Variants in ZNF618 observed in about 807,000 individuals in gnomAD.
The protein encoded by ZNF618 is neural precursor cell expressed, developmentally down-regulated 10.
In ZNF618, 34 loss-of-function variants were observed where a neutral mutation model predicts 103.0. The observed-to-expected ratio is 0.33, with a 90% CI of 0.25 to 0.44. The LOEUF (loss-of-function observed/expected upper bound fraction) is 0.44, where lower values mean the gene tolerates loss of function less well. Ranked by LOEUF, ZNF618 falls within the 20% of genes least tolerant of loss-of-function variation. ZNF618 has a pLI of 1.00. For missense variants in ZNF618, 1,059 were observed against 1,295.4 expected (o/e 0.82, Z 2.80); for synonymous variants, 551 against 542.2 (o/e 1.02, Z -0.23).
chr9:113,894,509 G>A (rs570650274), intron 1 of ZNF618, among the ~76,000 whole-genome samples: 1 of 152,168 alleles, frequency 6.6e-6, no homozygotes, highest in Admixed American at 6.5e-5. Context: ...AGTGTCATTT[G>A]CACTTAGCTT....
intron 2 of ZNF618, among the ~76,000 whole-genome samples, chr9:113,972,833 G>C (rs1218114890): frequency 1.3e-5 from 2 of 152,186 alleles, no homozygotes. Flanking sequence ...TTGGGAGGCC[G>C]AGGCGGGCGG....
At chr9:114,021,312 A>G (rs12335772) in intron 10 of ZNF618, among the ~76,000 whole-genome samples, 43,072 of 151,934 alleles carry the variant, frequency 0.28, 6,589 homozygotes, top group African/African-American at 0.39. Flanking sequence ...CCCACAATCA[A>G]GTTCTTGCTT....
At chr9:113,984,085 A>G (rs2133197145) in intron 2 of ZNF618, among the ~76,000 whole-genome samples, 1 of 152,328 alleles carries the variant, frequency 6.6e-6, no homozygotes, top group Admixed American at 6.5e-5. Flanking sequence ...GGACAAGTGC[A>G]GTTTGGTGAG....
At chr9:113,878,913 C>T (rs1406581939) in intron 1 of ZNF618, among the ~76,000 whole-genome samples, 1 of 152,118 alleles carries the variant, frequency 6.6e-6, no homozygotes, top group Non-Finnish European at 1.5e-5. Flanking sequence ...TTGACATTTC[C>T]CATCATCGCC....
chr9:113,906,947 T>A (rs1831044574), intron 1 of ZNF618, among the ~76,000 whole-genome samples: 1 of 152,230 alleles, frequency 6.6e-6, no homozygotes, highest in African/African-American at 2.4e-5. Flanking sequence ...TGTGGTGACT[T>A]CTTCAGGCAG....
chr9:113,962,774 T>G (rs952041677), intron 1 of ZNF618, among the ~76,000 whole-genome samples: 2 of 152,238 alleles, frequency 1.3e-5, no homozygotes, highest in African/African-American at 4.8e-5. Flanking sequence ...CCAGCATTCC[T>G]GACCACCCTA....
chr9:113,977,864 C>T, intron 2 of ZNF618, among the ~76,000 whole-genome samples: 1 of 152,170 alleles, frequency 6.6e-6, no homozygotes, highest in East Asian at 1.9e-4. Context: ...TTCCCCCAGT[C>T]TAGGTTTAAC....
chr9:113,905,384 A>G (rs1420362283), intron 1 of ZNF618, among the ~76,000 whole-genome samples: 2 of 152,200 alleles, frequency 1.3e-5, no homozygotes, highest in Non-Finnish European at 2.9e-5. Context: ...TTCAGAATAG[A>G]GCAGGGTTTG....
chr9:113,912,049 C>A (rs1831600853), intron 1 of ZNF618, among the ~76,000 whole-genome samples: 1 of 152,138 alleles, frequency 6.6e-6, no homozygotes, highest in South Asian at 2.1e-4. Flanking sequence ...GTGGGCGGGG[C>A]CTGAGAGTCT....
intron 2 of ZNF618, among the ~76,000 whole-genome samples, chr9:113,986,861 C>A (rs900142958): frequency 1.4e-4 from 22 of 152,164 alleles, no homozygotes; most frequent in Middle Eastern, 3.2e-3. Flanking sequence ...GGAAGGACAG[C>A]AGATGTGATT....
At chr9:113,998,394 G>A (rs1365132281) in intron 4 of ZNF618, 40 bp downstream of exon 4, 10 of 1,516,150 alleles carry the variant, frequency 6.6e-6, no homozygotes, top group Non-Finnish European at 9.0e-6. Flanking sequence ...TCCGGGGCCA[G>A]TATGGGTGGG....
intron 1 of ZNF618, among the ~76,000 whole-genome samples, chr9:113,918,508 A>G (rs747206582): frequency 1.3e-4 from 19 of 151,964 alleles, no homozygotes; most frequent in Admixed American, 1.2e-3. Flanking sequence ...TATTTCCATC[A>G]TTTCTTCTGT....
At chr9:113,883,748 T>A (rs948665227) in intron 1 of ZNF618, among the ~76,000 whole-genome samples, 1 of 152,184 alleles carries the variant, frequency 6.6e-6, no homozygotes, top group African/African-American at 2.4e-5. Context: ...CGATCCTCAG[T>A]GTTCATATTC....
chr9:113,972,940 A>G (rs1023434368), intron 2 of ZNF618, among the ~76,000 whole-genome samples: 16 of 152,066 alleles, frequency 1.1e-4, no homozygotes, highest in African/African-American at 3.4e-4. Flanking sequence ...ATGGTGGCAC[A>G]CACCTGTAAT....
chr9:113,976,143 C>T (rs1838447979), intron 2 of ZNF618, among the ~76,000 whole-genome samples: 1 of 152,090 alleles, frequency 6.6e-6, no homozygotes, highest in Non-Finnish European at 1.5e-5. Context: ...AAATGCAAAC[C>T]ACAATTCACG....
intron 12 of ZNF618, among the ~76,000 whole-genome samples, chr9:114,034,876 G>A (rs1040033523): frequency 2.0e-5 from 3 of 152,212 alleles, no homozygotes; most frequent in Non-Finnish European, 2.9e-5. Context: ...GAGCTGCCAT[G>A]CAAGGATGTC....
At chr9:113,953,752 C>T (rs1242493621) in intron 1 of ZNF618, among the ~76,000 whole-genome samples, 1 of 152,162 alleles carries the variant, frequency 6.6e-6, no homozygotes, top group Non-Finnish European at 1.5e-5. Context: ...GTCATCTTCC[C>T]CTTTAAGGAT....
At chr9:113,891,513 G>A (rs1329324648) in intron 1 of ZNF618, among the ~76,000 whole-genome samples, 1 of 152,100 alleles carries the variant, frequency 6.6e-6, no homozygotes, top group Non-Finnish European at 1.5e-5. Context: ...TGGAACTCTT[G>A]TGTGCTGTTG....
At chr9:113,988,968 G>C (rs1839760641) in intron 3 of ZNF618, among the ~76,000 whole-genome samples, 1 of 152,216 alleles carries the variant, frequency 6.6e-6, no homozygotes, top group South Asian at 2.1e-4. Flanking sequence ...TGCCGGTGCT[G>C]CTCAGAGCAG....
Sources: gnomAD v4.1 joint callset for allele counts (sites outside exome capture counted in the v4.1 genomes callset) on GRCh38, gnomAD v4.1.1 for gene constraint, MANE v1.5 for transcripts, NCBI Gene and HGNC (gene_info 2026-07-23, HGNC 2026-07-21) for gene names.